UBAC1: variants seen among roughly 807,000 people sequenced by gnomAD.
The protein encoded by UBAC1 is UBA domain containing 1.
UBAC1 carries 27 observed loss-of-function variants against 45.9 expected under a neutral mutation model. The ratio of observed to expected loss-of-function variants is 0.59; its 90% CI spans 0.43 to 0.81. The LOEUF (loss-of-function observed/expected upper bound fraction) is 0.81, where lower values mean the gene tolerates loss of function less well. Among genes scored for constraint, UBAC1 ranks in the 30% least tolerant of loss-of-function variants. The pLI, the probability that UBAC1 is intolerant of heterozygous loss-of-function variation, is 0.00. For missense variants in UBAC1, 529 were observed against 539.2 expected (o/e 0.98, Z 0.19); for synonymous variants, 227 against 215.5 (o/e 1.05, Z -0.47).
intron 1 of UBAC1, among the ~76,000 whole-genome samples, chr9:135,958,856 G>A (rs1461782631): frequency 1.3e-5 from 2 of 152,220 alleles, no homozygotes; most frequent in Admixed American, 6.5e-5. Flanking sequence ...GGCTCTTGCG[G>A]TGTGAAAATC....
intron 8 of UBAC1, among the ~76,000 whole-genome samples, 160 bp from the exon 9 acceptor site, chr9:135,938,520 A>C (rs1238869611): frequency 6.6e-6 from 1 of 152,252 alleles, no homozygotes; most frequent in Non-Finnish European, 1.5e-5. Context: ...AGACAAACGC[A>C]GTCTGGATTC....
At chr9:135,937,718 A>G (rs1293482968) in intron 9 of UBAC1, among the ~76,000 whole-genome samples, 1 of 152,234 alleles carries the variant, frequency 6.6e-6, no homozygotes, top group Non-Finnish European at 1.5e-5. Flanking sequence ...GATGAGGTGC[A>G]TAGGGGAGGG....
intron 7 of UBAC1, among the ~76,000 whole-genome samples, chr9:135,941,385 G>A (rs1184810068): frequency 6.6e-6 from 1 of 152,086 alleles, no homozygotes; most frequent in Non-Finnish European, 1.5e-5. Flanking sequence ...CAGCCTGGGC[G>A]ACACAGTGAG....
intron 7 of UBAC1, chr9:135,942,341 G>C (rs984004040): frequency 2.0e-5 from 3 of 152,134 alleles, no homozygotes; most frequent in African/African-American, 7.2e-5. Context: ...AGAAATGCTA[G>C]ATGAAAATAA....
chr9:135,959,035 T>TA (rs1839500662), intron 1 of UBAC1, among the ~76,000 whole-genome samples: 2 of 152,258 alleles, frequency 1.3e-5, no homozygotes, highest in Non-Finnish European at 1.5e-5. Flanking sequence ...GCTGCCTAAC[T>TA]GACCCTCCGT....
chr9:135,956,537 G>A (rs755454900), intron 1 of UBAC1, among the ~76,000 whole-genome samples: 6 of 152,030 alleles, frequency 3.9e-5, no homozygotes, highest in African/African-American at 7.3e-5. Flanking sequence ...AGAGCTCCAC[G>A]ACTCCACTCT....
chr9:135,946,189 G>C, intron 5 of UBAC1, 80 bp downstream of exon 5: 2 of 1,135,224 alleles, frequency 1.8e-6, no homozygotes, highest in Non-Finnish European at 2.7e-6. Context: ...TCCGGTCAGT[G>C]GTCAGTGCGT....
chr9:135,946,089 C>A, intron 5 of UBAC1, 92 bp from the exon 6 acceptor site: 1 of 1,277,780 alleles, frequency 7.8e-7, no homozygotes, highest in South Asian at 1.2e-5. Flanking sequence ...TCTGTCTGAG[C>A]TCCACCTGCC....
intron 1 of UBAC1, among the ~76,000 whole-genome samples, chr9:135,959,879 C>G (rs1839511494): frequency 6.6e-6 from 1 of 152,186 alleles, no homozygotes; most frequent in African/African-American, 2.4e-5. Flanking sequence ...CAGCCCCCTC[C>G]TTGGTGTGAA....
At chr9:135,950,300 A>G (rs1839392886) in intron 3 of UBAC1, among the ~76,000 whole-genome samples, 1 of 152,244 alleles carries the variant, frequency 6.6e-6, no homozygotes, top group Admixed American at 6.5e-5. Flanking sequence ...GCATAGACTT[A>G]GCAAACTCTA....
Position 135,947,775 on chromosome 9 carries a change from C to T in UBAC1, c.441+23G>A, listed in dbSNP as rs746428531. The stretch of plus-strand genomic sequence containing the variant: ...CCACACGGGGACCCCATGCACCCGC[C>T]GCCGCTCTGGGCTGACACTCACGTC... On this transcript the variant is annotated intron_variant, in intron 4 of 9. Coordinates refer to ENST00000371756, the MANE Select transcript of UBAC1 (RefSeq NM_016172.3). 44 of 1,601,404 alleles carry T rather than the reference C, an allele frequency of 2.7e-5. No individual in the cohort carries two copies. The South Asian group carries it at 2.9e-4, about 11-fold the overall frequency.
At chr9:135,945,675 CA>C (rs1465108073) in intron 6 of UBAC1, 29 of 584,504 alleles carry the variant, frequency 5.0e-5, no homozygotes, top group Non-Finnish European at 6.1e-6. Context: ...AGTTCTCATA[CA>C]ACGGCCCAAA....
At chr9:135,952,040 T>C (rs565098279) in intron 3 of UBAC1, among the ~76,000 whole-genome samples, 1 of 152,210 alleles carries the variant, frequency 6.6e-6, no homozygotes, top group Non-Finnish European at 1.5e-5. Context: ...AACTGTAATC[T>C]GAGAACTGTG....
At position 135,953,715 on chromosome 9, in the gene UBAC1, G is replaced by C; in HGVS notation, c.298C>G (p.Leu100Val). The C allele has an allele frequency of 6.2e-7, 1 of 1,614,070 alleles. No homozygotes were observed. The highest frequency in any genetic ancestry group is 1.6e-4 in the Middle Eastern group (1 of 6,062). Residue 100 changes from leucine (L) to valine (V), a missense_variant, in exon 3 of 10, where the codon CTT (leucine) becomes GTT (valine). Leu to Val is a conservative substitution (Grantham distance 32). Transcript: ENST00000371756. The part of the protein sequence containing the change: ...LLIKKRAPSP[L>V]PKMADVSAEE... Reference sequence around the variant, plus strand: ...GCTGAGACATCAGCCATCTTGGGAAGTGGTGATGGAGCACGCTTTTTTATC... The same window carrying C: ...GCTGAGACATCAGCCATCTTGGGAACTGGTGATGGAGCACGCTTTTTTATC...
intron 1 of UBAC1, among the ~76,000 whole-genome samples, chr9:135,960,504 G>A (rs1221528175): frequency 1.3e-5 from 2 of 152,136 alleles, no homozygotes; most frequent in Non-Finnish European, 2.9e-5. Flanking sequence ...CCAAGCAGCC[G>A]GCTCTGCGGG....
intron 1 of UBAC1, among the ~76,000 whole-genome samples, chr9:135,960,002 C>T (rs1385146715): frequency 2.0e-5 from 3 of 152,182 alleles, no homozygotes; most frequent in Non-Finnish European, 4.4e-5. Context: ...ACAAAAGCAA[C>T]TCGAAAGTAC....
At chr9:135,947,679 G>C in intron 4 of UBAC1, 119 bp downstream of exon 4, 4 of 768,004 alleles carry the variant, frequency 5.2e-6, no homozygotes, top group Non-Finnish European at 6.1e-6. Flanking sequence ...CCGCTCACCG[G>C]CTTCCCCAAA....
chr9:135,944,462 G>A (rs1839302371), intron 7 of UBAC1, among the ~76,000 whole-genome samples: 1 of 152,222 alleles, frequency 6.6e-6, no homozygotes, highest in South Asian at 2.1e-4. Flanking sequence ...CTCCAAGGAG[G>A]AAGTAAAACC....
rs537521285 is a variant in UBAC1, at chr9:135,941,307, G to A, written c.877-1548C>T. On this transcript the variant is annotated intron_variant, in intron 7 of 9. Coordinates refer to ENST00000371756, the MANE Select transcript of UBAC1 (RefSeq NM_016172.3). ...TGTAATCCCAGCTACTCGGGAGCCT[G>A]AGGCAGGAGAATCGCTTGAACCTGG... is the stretch of plus-strand genomic sequence containing the variant. Among the ~76,000 whole-genome samples, 310 of 152,298 alleles carry A rather than the reference G, an allele frequency of 2.0e-3. 3 individuals are homozygous for A. Among genetic ancestry groups the A allele is most frequent in the African/African-American group, 7.1e-3 (297 of 41,546 alleles).
Sources: gnomAD v4.1 joint callset for allele counts (sites outside exome capture counted in the v4.1 genomes callset) on GRCh38, gnomAD v4.1.1 for gene constraint, MANE v1.5 for transcripts, NCBI Gene and HGNC (gene_info 2026-07-23, HGNC 2026-07-21) for gene names.